Variants in CDKN2B-AS1 observed in about 807,000 individuals in gnomAD.
The protein encoded by CDKN2B-AS1 is CDKN2B antisense RNA 1 (non-protein coding).
At chr9:22,099,873 T>C (rs566458494) in intron 4 of CDKN2B-AS1, among the ~76,000 whole-genome samples, 15 of 152,206 alleles carry the variant, frequency 9.9e-5, no homozygotes, top group Admixed American at 2.6e-4. Context: ...TCTAGAATGA[T>C]ACACAAGAAA....
intron 1 of CDKN2B-AS1, among the ~76,000 whole-genome samples, chr9:22,011,714 A>G (rs192194855): frequency 6.6e-6 from 1 of 152,350 alleles, no homozygotes; most frequent in African/African-American, 2.4e-5. Flanking sequence ...GACATTTCAC[A>G]TGTAATACAA....
intron 3 of CDKN2B-AS1, among the ~76,000 whole-genome samples, chr9:22,053,284 C>CT (rs145896342): frequency 1.3e-5 from 2 of 152,248 alleles, no homozygotes; most frequent in African/African-American, 2.4e-5. Flanking sequence ...AAGACCTGGG[C>CT]TTTTTTAGCA....
intron 4 of CDKN2B-AS1, among the ~76,000 whole-genome samples, chr9:22,105,323 AATTTAGTGACTTAAAT>A (rs1825620913): frequency 6.6e-6 from 1 of 152,144 alleles, no homozygotes; most frequent in Non-Finnish European, 1.5e-5. Context: ...ATCACCCTAA[AATTTAGTGACTTAAAT>A]AAACATGATC....
In CDKN2B-AS1 at chr9:21,997,393, C is replaced by T. The variant is rs1168046454; in HGVS notation, n.29+2232C>T. On this transcript the variant is annotated intron_variant and non_coding_transcript_variant, in intron 1 of 4. Coordinates refer to ENST00000650946, the Ensembl canonical transcript of CDKN2B-AS1. The surrounding 1 kb of genome is among the most constrained non-coding windows in gnomAD (Gnocchi z 4.8). Reference sequence around the variant, plus strand: ...GGTTGACTGAAGCATCGTTATCCAGCACATGACTCTGTGTGTGTATACAAT... The same window carrying T: ...GGTTGACTGAAGCATCGTTATCCAGTACATGACTCTGTGTGTGTATACAAT... Among the ~76,000 whole-genome samples, 1 of 151,694 alleles carries T rather than the reference C, an allele frequency of 6.6e-6. No homozygotes were observed. Among genetic ancestry groups the T allele is most frequent in the African/African-American group, 2.4e-5 (1 of 41,224 alleles).
chr9:22,079,168 T>C (rs755355735), intron 4 of CDKN2B-AS1, among the ~76,000 whole-genome samples: 14 of 152,138 alleles, frequency 9.2e-5, no homozygotes, highest in South Asian at 2.1e-4. Context: ...TTTGATTTCA[T>C]TGGAGGCTGG....
chr9:22,126,574 CTTTTTTT>C (rs34700018), intron 4 of CDKN2B-AS1, among the ~76,000 whole-genome samples: 2 of 104,892 alleles, frequency 1.9e-5, no homozygotes, highest in African/African-American at 4.0e-5. Context: ...TAAGTGGATT[CTTTTTTT>C]TTTTTTTTTT....
chr9:22,106,850 C>T (rs1207365264), intron 4 of CDKN2B-AS1, among the ~76,000 whole-genome samples: 3 of 152,160 alleles, frequency 2.0e-5, no homozygotes, highest in African/African-American at 7.2e-5. Context: ...TGGATCTTAA[C>T]AACAAAGCTA....
At chr9:22,022,278 G>T (rs1414752792) in intron 1 of CDKN2B-AS1, among the ~76,000 whole-genome samples, 1 of 152,004 alleles carries the variant, frequency 6.6e-6, no homozygotes, top group East Asian at 1.9e-4. Flanking sequence ...CACTATTATT[G>T]TGTGGGAGTC....
intron 4 of CDKN2B-AS1, among the ~76,000 whole-genome samples, chr9:22,097,753 C>T (rs1483514811): frequency 2.0e-5 from 3 of 152,192 alleles, no homozygotes; most frequent in African/African-American, 7.2e-5. Flanking sequence ...TAAAGACTTA[C>T]TAGACTGCAT....
exon 5 of CDKN2B-AS1, among the ~76,000 whole-genome samples, chr9:22,127,247 A>T (rs1818033926): frequency 6.6e-6 from 1 of 151,956 alleles, no homozygotes; most frequent in East Asian, 1.9e-4. Context: ...ACGCCCAGCT[A>T]ATTTTTGTAG....
In CDKN2B-AS1 at chr9:21,995,882, C is replaced by G. The variant is rs1171600668; in HGVS notation, n.29+721C>G. 1 of 152,370 alleles carries G rather than the reference C, an allele frequency of 6.6e-6. No individual in the cohort carries two copies. The allele number at this position is 152,370 out of a possible 1,614,324, so 9.4% of individuals were successfully genotyped here. A position where few individuals can be genotyped will look rare whatever the true frequency, so the allele number is the denominator to read the frequency against. On this transcript the variant is annotated intron_variant and non_coding_transcript_variant, in intron 1 of 4. Transcript: ENST00000650946. This position sits in a 1 kb window ranked among gnomAD's most constrained non-coding sequence, Gnocchi z 5.7. ...CCCGGAGCCTGCGGTCTGCCTGGAT[C>G]CGTCCTAAACCTCGCGGGCTGGACC...
intron 4 of CDKN2B-AS1, among the ~76,000 whole-genome samples, chr9:22,116,070 T>C (rs899251047): frequency 2.6e-5 from 4 of 152,200 alleles, no homozygotes; most frequent in Non-Finnish European, 5.9e-5. Flanking sequence ...TCTTAGCTTC[T>C]TTATCTCTTT....
At chr9:22,068,617 C>T (rs145161364) in intron 4 of CDKN2B-AS1, among the ~76,000 whole-genome samples, 6 of 152,258 alleles carry the variant, frequency 3.9e-5, no homozygotes, top group Admixed American at 2.0e-4. Flanking sequence ...TTTCCAGTGA[C>T]GTAGTGTGTG....
At chr9:22,021,511 T>C (rs1253128396) in intron 1 of CDKN2B-AS1, among the ~76,000 whole-genome samples, 1 of 152,232 alleles carries the variant, frequency 6.6e-6, no homozygotes, top group Non-Finnish European at 1.5e-5. Context: ...TAAATTGCTT[T>C]GGCCAGTATG....
chr9:22,029,366 T>G, intron 1 of CDKN2B-AS1: 2 of 767,154 alleles, frequency 2.6e-6, no homozygotes, highest in Middle Eastern at 2.3e-4. Flanking sequence ...CCTGATGGAA[T>G]GTTTAGTCTG....
At chr9:22,077,338 T>G (rs1824535776) in intron 4 of CDKN2B-AS1, among the ~76,000 whole-genome samples, 1 of 152,146 alleles carries the variant, frequency 6.6e-6, no homozygotes, top group South Asian at 2.1e-4. Flanking sequence ...TATTTAAAAT[T>G]TGGGGTATAT....
At chr9:22,088,125 C>T (rs1209195932) in intron 4 of CDKN2B-AS1, among the ~76,000 whole-genome samples, 1 of 152,104 alleles carries the variant, frequency 6.6e-6, no homozygotes, top group Non-Finnish European at 1.5e-5. Flanking sequence ...TGCTCTGTTT[C>T]CCCTTGGAGG....
chr9:22,004,979 T>C (rs1285333724), intron 1 of CDKN2B-AS1: 1 of 233,188 alleles, frequency 4.3e-6, no homozygotes, highest in Admixed American at 5.6e-5. Flanking sequence ...CTTCCTCACA[T>C]TTTAACTGAG....
At chr9:22,028,121 C>T (rs1371586429) in intron 1 of CDKN2B-AS1, among the ~76,000 whole-genome samples, 1 of 152,086 alleles carries the variant, frequency 6.6e-6, no homozygotes, top group African/African-American at 2.4e-5. Context: ...GGATATTTCA[C>T]AGGATTCCAA....
Sources: allele counts gnomAD v4.1 joint callset (sites outside exome capture counted in the v4.1 genomes callset), GRCh38; gene constraint gnomAD v4.1.1; non-coding constraint Gnocchi (gnomAD v3.1); transcripts MANE v1.5; gene names NCBI Gene and HGNC (gene_info 2026-07-23, HGNC 2026-07-21).